The following ANKDD1B variants were observed in gnomAD, a reference collection of about 807,000 sequenced individuals.
The protein encoded by ANKDD1B is ankyrin repeat and death domain containing 1B, also known as ankyrin repeat and death domain-containing protein 1B.
Under a neutral mutation model 59.7 loss-of-function variants are expected in ANKDD1B, and 57 were observed. That is an observed-to-expected ratio of 0.95 (90% CI 0.77 to 1.19). The LOEUF is 1.19. Ranked by LOEUF, ANKDD1B falls within the 50% of genes most tolerant of loss-of-function variation. The pLI is 0.00. For synonymous variants in ANKDD1B, 216 were observed against 239.5 expected (o/e 0.90, Z 0.91); for missense variants, 602 against 641.9 (o/e 0.94, Z 0.67).
Position 75,658,930 on chromosome 5 carries a change from C to T in ANKDD1B, c.997-353C>T, listed in dbSNP as rs77280161. 2.5e-3 allele frequency among the ~76,000 whole-genome samples: 388 copies of T among 152,270 alleles called. 2 individuals carry two copies. The highest frequency in any genetic ancestry group is 8.9e-3 in the African/African-American group (371 of 41,552). On this transcript the variant is annotated intron_variant, in intron 9 of 13. Transcript: ENST00000601380. ...AAACTGAAATTTTATATCTATTAAA[C>T]GGTAACTTCCCATTCCCTCCTCCAG...
At chr5:75,648,695 C>G (rs1467059934) in intron 7 of ANKDD1B, among the ~76,000 whole-genome samples, 1 of 152,150 alleles carries the variant, frequency 6.6e-6, no homozygotes, top group African/African-American at 2.4e-5. Context: ...ACCTCAGCCC[C>G]CACTAGCTAT....
intron 5 of ANKDD1B, among the ~76,000 whole-genome samples, chr5:75,631,759 G>T (rs1392256727): frequency 6.6e-6 from 1 of 152,158 alleles, no homozygotes; most frequent in African/African-American, 2.4e-5. Context: ...ACTGGTGCCA[G>T]ATGTTGCCTG....
At chr5:75,626,259 T>C (rs112732601) in intron 5 of ANKDD1B, among the ~76,000 whole-genome samples, 30 of 152,322 alleles carry the variant, frequency 2.0e-4, no homozygotes, top group African/African-American at 5.5e-4. Flanking sequence ...TCAGAATGTG[T>C]ACCTAAATTT....
At chr5:75,622,630 G>T (rs1773882085) in intron 3 of ANKDD1B, among the ~76,000 whole-genome samples, 1 of 152,208 alleles carries the variant, frequency 6.6e-6, no homozygotes, top group Admixed American at 6.5e-5. Flanking sequence ...CCTCTGGGAA[G>T]CTCCTAACAT....
At chr5:75,651,964 C>G (rs936378470) in intron 7 of ANKDD1B, among the ~76,000 whole-genome samples, 1 of 152,144 alleles carries the variant, frequency 6.6e-6, no homozygotes, top group African/African-American at 2.4e-5. Flanking sequence ...TCTCTGGCCT[C>G]TTTTTGCAAG....
intron 6 of ANKDD1B, 152 bp from the exon 7 acceptor site, chr5:75,635,632 T>G (rs933457484): frequency 1.1e-4 from 45 of 418,204 alleles, no homozygotes; most frequent in Admixed American, 8.5e-5. Context: ...ATGTATAAAT[T>G]TCACTTAAAA....
At chr5:75,670,444 C>A (rs563004162) in intron 13 of ANKDD1B, among the ~76,000 whole-genome samples, 1 of 152,310 alleles carries the variant, frequency 6.6e-6, no homozygotes, top group African/African-American at 2.4e-5. Context: ...GCCAAAGATT[C>A]ATTCCATGAA....
intron 10 of ANKDD1B, among the ~76,000 whole-genome samples, chr5:75,662,244 G>A (rs1205970397): frequency 6.6e-6 from 1 of 152,090 alleles, no homozygotes; most frequent in African/African-American, 2.4e-5. Context: ...AATGTAGACA[G>A]CATACAATTA....
At chr5:75,628,398 T>TA (rs1282001603) in intron 5 of ANKDD1B, among the ~76,000 whole-genome samples, 5 of 152,028 alleles carry the variant, frequency 3.3e-5, no homozygotes, top group African/African-American at 9.7e-5. Flanking sequence ...TTTACCATAA[T>TA]AAAAAAAATT....
rs1334435460 is a variant in ANKDD1B, at chr5:75,643,721, C to T, written c.798+7839C>T. Among the ~76,000 whole-genome samples the T allele has an allele frequency of 8.6e-5, 3 of 34,886 alleles. 1 individual carries two copies. The highest frequency in any genetic ancestry group is 1.4e-4 in the Non-Finnish European group (3 of 21,184). The allele number at this position is 34,886 out of a possible 152,430, so 22.9% of individuals were successfully genotyped here. A position where few individuals can be genotyped will look rare whatever the true frequency, so the allele number is the denominator to read the frequency against. On this transcript the variant is annotated intron_variant, in intron 7 of 13. Coordinates refer to ENST00000601380, the MANE Select transcript of ANKDD1B (RefSeq NM_001276713.2). Reference sequence around the variant, plus strand: ...TCCCCAATCTAGCAAGGCAGGCCAACGTTCAGATTCAGGAAATACAGATAA... The same window carrying T: ...TCCCCAATCTAGCAAGGCAGGCCAATGTTCAGATTCAGGAAATACAGATAA...
At chr5:75,625,775 G>C (rs1323739293) in intron 4 of ANKDD1B, 30 bp downstream of exon 4, 1 of 1,532,198 alleles carries the variant, frequency 6.5e-7, no homozygotes, top group African/African-American at 1.4e-5. Context: ...CTGGACAAAA[G>C]CTCTTACCTC....
chr5:75,664,835 AGTT>A (rs1304572833), intron 11 of ANKDD1B, among the ~76,000 whole-genome samples: 1 of 152,226 alleles, frequency 6.6e-6, no homozygotes, highest in Non-Finnish European at 1.5e-5. Context: ...AAATGGTAAG[AGTT>A]GTTAACTCCG....
Position 75,657,839 on chromosome 5 carries a change from T to C in ANKDD1B, c.997-1444T>C, listed in dbSNP as rs527494899. 1.0e-4 allele frequency among the ~76,000 whole-genome samples: 15 copies of C among 150,720 alleles called. 1 individual carries two copies. In the Admixed American group the frequency reaches 1.0e-3, roughly 10 times the overall value. The stretch of plus-strand genomic sequence containing the variant: ...TGAACCCAGGAGGTGGAGGTTGTAG[T>C]GAGCTGAGATCGCCACCACTGCACT... On this transcript the variant is annotated intron_variant, in intron 9 of 13. Transcript: ENST00000601380.
At chr5:75,627,208 C>T (rs529476595) in intron 5 of ANKDD1B, among the ~76,000 whole-genome samples, 23 of 152,310 alleles carry the variant, frequency 1.5e-4, no homozygotes, top group Non-Finnish European at 2.9e-4. Context: ...CCCCCAGTTT[C>T]TCCATCTATA....
chr5:75,653,324 TAGG>T, intron 8 of ANKDD1B, 84 bp downstream of exon 8: 1 of 894,790 alleles, frequency 1.1e-6, no homozygotes. Context: ...CAGATACGTG[TAGG>T]AGATGAGATG....
chr5:75,632,965 A>G (rs1774206010), intron 5 of ANKDD1B, among the ~76,000 whole-genome samples: 1 of 152,186 alleles, frequency 6.6e-6, no homozygotes, highest in Non-Finnish European at 1.5e-5. Flanking sequence ...ATGTGACCAG[A>G]TGTTTTCATC....
At chr5:75,615,196 G>A (rs534078868) in intron 1 of ANKDD1B, among the ~76,000 whole-genome samples, 7 of 152,300 alleles carry the variant, frequency 4.6e-5, no homozygotes, top group Non-Finnish European at 8.8e-5. Context: ...CAGCTGAGCT[G>A]AATGGATGAG....
rs1209692092 is a variant in ANKDD1B at position 75,643,439 on chromosome 5, A to G, written c.798+7557A>G. On this transcript the variant is annotated intron_variant, in intron 7 of 13. Coordinates refer to ENST00000601380, the MANE Select transcript of ANKDD1B (RefSeq NM_001276713.2). ...AGCTGAAAACCAAGGCTCAAGAACTATGTGAAGAATGCAGAAGCCTCAGGA... is the reference window on the plus strand; with the variant it reads ...AGCTGAAAACCAAGGCTCAAGAACTGTGTGAAGAATGCAGAAGCCTCAGGA... Among the ~76,000 whole-genome samples the G allele has an allele frequency of 9.5e-5, 4 of 42,144 alleles. 2 individuals are homozygous for G. Among genetic ancestry groups the G allele is most frequent in the Admixed American group, 5.4e-4 (2 of 3,674 alleles). The allele number at this position is 42,144 out of a possible 152,430, so 27.6% of individuals were successfully genotyped here. A position where few individuals can be genotyped will look rare whatever the true frequency, so the allele number is the denominator to read the frequency against.
rs1188623206 is a variant in ANKDD1B at position 75,611,532 on chromosome 5, C to T, written c.-103C>T. 16 of 991,472 alleles carry T rather than the reference C, an allele frequency of 1.6e-5. No homozygotes were observed. The highest frequency in any genetic ancestry group is 1.9e-5 in the Non-Finnish European group (15 of 769,854). 61.4% of individuals were successfully genotyped at this position (991,472 alleles called of 1,614,324 possible). A position where few individuals can be genotyped will look rare whatever the true frequency, so the allele number is the denominator to read the frequency against. ...GGCTGACCTGCCTGCGTCCAGCCCC[C>T]GCGCCCTGGGCCTGCCTGGGTCTGG... On this transcript the variant is annotated 5_prime_UTR_variant, in exon 1 of 14. Coordinates refer to ENST00000601380, the MANE Select transcript of ANKDD1B (RefSeq NM_001276713.2).
Sources: allele counts gnomAD v4.1 joint callset (sites outside exome capture counted in the v4.1 genomes callset), GRCh38; gene constraint gnomAD v4.1.1; transcripts MANE v1.5; gene names NCBI Gene and HGNC (gene_info 2026-07-23, HGNC 2026-07-21).